LOC128462377: variants seen among roughly 807,000 people sequenced by gnomAD.
chr16:89,415,866 C>G, the LOC128462377 span, among the ~76,000 whole-genome samples: 3 of 90,466 alleles, frequency 3.3e-5, no homozygotes, highest in Non-Finnish European at 7.4e-5. Context: ...GAGAACCAGC[C>G]TCAGTGAGGT....
the LOC128462377 span, among the ~76,000 whole-genome samples, chr16:89,357,400 A>G: frequency 6.6e-6 from 1 of 152,128 alleles, no homozygotes; most frequent in Non-Finnish European, 1.5e-5. Context: ...AGAAACAGGA[A>G]TCCTCGTGCA....
chr16:89,389,026 G>A, the LOC128462377 span, among the ~76,000 whole-genome samples: 2 of 152,174 alleles, frequency 1.3e-5, no homozygotes, highest in Admixed American at 1.3e-4. Flanking sequence ...ATATTCTCAG[G>A]CATGGAAGGT....
chr16:89,348,545 G>A, the LOC128462377 span, among the ~76,000 whole-genome samples: 2 of 152,136 alleles, frequency 1.3e-5, no homozygotes, highest in African/African-American at 4.8e-5. Context: ...TAAATGTATA[G>A]TACAAATGAC....
the LOC128462377 span, among the ~76,000 whole-genome samples, chr16:89,402,516 G>A: frequency 7.9e-5 from 12 of 151,970 alleles, no homozygotes; most frequent in African/African-American, 2.9e-4. Context: ...CCCGCCTCTA[G>A]AAAAACATTT....
At chr16:89,408,665 G>C in the LOC128462377 span, among the ~76,000 whole-genome samples, 23 of 151,992 alleles carry the variant, frequency 1.5e-4, no homozygotes, top group East Asian at 4.3e-3. Flanking sequence ...CGCACCCCCT[G>C]CCACCCTCCC....
At chr16:89,384,879 C>CTTTTTTTTTTTTTCTT in the LOC128462377 span, among the ~76,000 whole-genome samples, 1 of 49,910 alleles carries the variant, frequency 2.0e-5, no homozygotes, top group Non-Finnish European at 3.5e-5. Context: ...AAATAGTTTT[C>CTTTTTTTTTTTTTCTT]TTTTTTTTTT....
chr16:89,399,914 T>G, the LOC128462377 span, among the ~76,000 whole-genome samples: 1 of 152,178 alleles, frequency 6.6e-6, no homozygotes, highest in Non-Finnish European at 1.5e-5. Flanking sequence ...GAAGGTCCAG[T>G]GCACCAGGAC....
At chr16:89,330,643 C>T in the LOC128462377 span, among the ~76,000 whole-genome samples, 1 of 103,866 alleles carries the variant, frequency 9.6e-6, no homozygotes. Flanking sequence ...AGTAGGTTTC[C>T]CCAGTACAGT....
At chr16:89,376,081 T>C in the LOC128462377 span, among the ~76,000 whole-genome samples, 1 of 152,218 alleles carries the variant, frequency 6.6e-6, no homozygotes, top group Non-Finnish European at 1.5e-5. Flanking sequence ...CTTGAAAATT[T>C]TTTTGTGAAA....
the LOC128462377 span, among the ~76,000 whole-genome samples, chr16:89,348,981 A>G: frequency 5.3e-5 from 8 of 151,294 alleles, no homozygotes; most frequent in African/African-American, 1.9e-4. Flanking sequence ...TACAAAAACT[A>G]GCCAGGAGTA....
chr16:89,360,385 C>G, the LOC128462377 span, among the ~76,000 whole-genome samples: 1 of 152,188 alleles, frequency 6.6e-6, no homozygotes, highest in Admixed American at 6.5e-5. Flanking sequence ...GTGAACATCA[C>G]CATGCCCACT....
the LOC128462377 span, among the ~76,000 whole-genome samples, chr16:89,351,427 C>A: frequency 6.6e-6 from 1 of 152,210 alleles, no homozygotes; most frequent in South Asian, 2.1e-4. Flanking sequence ...CCTCCACTAC[C>A]TCCGCAAATC....
chr16:89,385,770 G>C, the LOC128462377 span, among the ~76,000 whole-genome samples: 1 of 152,268 alleles, frequency 6.6e-6, no homozygotes, highest in Non-Finnish European at 1.5e-5. Flanking sequence ...TAACGTGAGT[G>C]GCAGTGAGAC....
At chr16:89,364,071 C>CACAA in the LOC128462377 span, among the ~76,000 whole-genome samples, 2 of 151,574 alleles carry the variant, frequency 1.3e-5, no homozygotes, top group Non-Finnish European at 2.9e-5. Flanking sequence ...ATTTAAAACA[C>CACAA]ACACACACAC....
the LOC128462377 span, among the ~76,000 whole-genome samples, chr16:89,375,595 AG>A: frequency 2.0e-5 from 3 of 151,854 alleles, no homozygotes; most frequent in Non-Finnish European, 2.9e-5. Flanking sequence ...GAGTGATTAC[AG>A]GCGCCCGCCA....
At chr16:89,344,368 T>C in the LOC128462377 span, among the ~76,000 whole-genome samples, 2 of 152,202 alleles carry the variant, frequency 1.3e-5, no homozygotes, top group Non-Finnish European at 2.9e-5. Flanking sequence ...CTCCTTGCTA[T>C]GAATGCCTGG....
chr16:89,390,441 T>C, the LOC128462377 span, among the ~76,000 whole-genome samples: 13 of 151,582 alleles, frequency 8.6e-5, no homozygotes, highest in East Asian at 2.5e-3. Flanking sequence ...TAACCAACGG[T>C]AAGGGGTGCT....
At chr16:89,366,326 T>C in the LOC128462377 span, among the ~76,000 whole-genome samples, 9 of 152,270 alleles carry the variant, frequency 5.9e-5, no homozygotes, top group South Asian at 1.2e-3. Context: ...ATGGTTTCTA[T>C]TCCTCTGGGT....
the LOC128462377 span, among the ~76,000 whole-genome samples, chr16:89,320,871 T>C: frequency 6.6e-6 from 1 of 152,228 alleles, no homozygotes; most frequent in Non-Finnish European, 1.5e-5. Flanking sequence ...CCAGAGGGGC[T>C]CCACCTCCCC....
Sources: allele counts gnomAD v4.1 joint callset (sites outside exome capture counted in the v4.1 genomes callset), GRCh38; gene constraint gnomAD v4.1.1; transcripts MANE v1.5.